The following DPF3 variants were observed in gnomAD, a reference collection of about 807,000 sequenced individuals.
DPF3 encodes zinc finger protein DPF3.
A neutral mutation model predicts 56.8 loss-of-function variants in DPF3; 18 were observed. The ratio of observed to expected loss-of-function variants is 0.32; its 90% CI spans 0.22 to 0.47. The LOEUF (loss-of-function observed/expected upper bound fraction) is 0.47, where lower values mean the gene tolerates loss of function less well. Ranked by LOEUF, DPF3 falls within the 20% of genes least tolerant of loss-of-function variation. DPF3 has a pLI of 1.00. For missense variants in DPF3, 403 were observed against 488.8 expected, an observed-to-expected ratio of 0.82 and a Z score of 1.65; for synonymous variants, 188 against 180.2, an observed-to-expected ratio of 1.04 and a Z score of -0.35.
chr14:72,804,461 ACG>A (rs1184536067), intron 1 of DPF3, among the ~76,000 whole-genome samples: 1 of 152,160 alleles, frequency 6.6e-6, no homozygotes, highest in African/African-American at 2.4e-5. Context: ...AAAATCTCTA[ACG>A]CAGATAAAGA....
intron 1 of DPF3, among the ~76,000 whole-genome samples, chr14:72,880,352 GC>G (rs758287910): frequency 6.6e-6 from 1 of 152,174 alleles, no homozygotes; most frequent in Non-Finnish European, 1.5e-5. Context: ...GCCAGATCAG[GC>G]TCAAACTTTA....
intron 1 of DPF3, among the ~76,000 whole-genome samples, chr14:72,789,897 A>G (rs1057270483): frequency 6.6e-6 from 1 of 151,896 alleles, no homozygotes; most frequent in East Asian, 1.9e-4. Flanking sequence ...CCTCCCCCAA[A>G]CTCCTTAGCT....
At chr14:72,853,220 T>C (rs4899448) in intron 1 of DPF3, 31,380 of 151,770 alleles carry the variant, frequency 0.21, 3,909 homozygotes, top group Middle Eastern at 0.35. Flanking sequence ...TGTTGTTTTT[T>C]TTTTTAAGAC....
intron 1 of DPF3, among the ~76,000 whole-genome samples, chr14:72,815,045 C>T (rs1160225472): frequency 6.6e-6 from 1 of 152,094 alleles, no homozygotes; most frequent in African/African-American, 2.4e-5. Flanking sequence ...AATGAAAACA[C>T]AAGCTACAGA....
intron 3 of DPF3, among the ~76,000 whole-genome samples, chr14:72,740,027 C>G (rs1890062093): frequency 6.6e-6 from 1 of 151,970 alleles, no homozygotes; most frequent in South Asian, 2.1e-4. Flanking sequence ...GGGGGTTACA[C>G]TTTTAAATGT....
intron 5 of DPF3, among the ~76,000 whole-genome samples, chr14:72,721,392 A>C (rs1889167937): frequency 6.6e-6 from 1 of 152,336 alleles, no homozygotes; most frequent in Non-Finnish European, 1.5e-5. Context: ...TGAGAGAAGG[A>C]AAGCAAGTGG....
intron 1 of DPF3, among the ~76,000 whole-genome samples, chr14:72,822,871 T>C (rs1567245224): frequency 6.6e-6 from 1 of 152,132 alleles, no homozygotes; most frequent in Non-Finnish European, 1.5e-5. Context: ...AGGTTGAACA[T>C]CCCAAATTCA....
chr14:72,693,075 C>T lies in DPF3; in HGVS notation c.742+1G>A, dbSNP rs1319773989. 6 of 1,613,862 alleles carry T rather than the reference C, an allele frequency of 3.7e-6. No individual in the cohort carries two copies. Among genetic ancestry groups the T allele is most frequent in the Non-Finnish European group, 4.2e-6 (5 of 1,179,894 alleles). On this transcript the variant is annotated splice_donor_variant, in intron 7 of 10. Transcript: ENST00000556509. LOFTEE classifies it high-confidence loss of function. The stretch of plus-strand genomic sequence containing the variant: ...CCCCAACCTAACAAGTAGGCACTCA[C>T]GCCTGTGGTTCTCATTTCTGTGGTT...
At chr14:72,661,431 C>T (rs1392301903) in intron 8 of DPF3, 4 of 985,200 alleles carry the variant, frequency 4.1e-6, no homozygotes, top group Non-Finnish European at 4.8e-6. Context: ...GAATACCCAG[C>T]CTTAGACTAT....
intron 1 of DPF3, among the ~76,000 whole-genome samples, chr14:72,850,823 GCA>G (rs1180432531): frequency 1.7e-3 from 261 of 152,194 alleles, no homozygotes; most frequent in Middle Eastern, 0.014. Flanking sequence ...GTGTGTGTGC[GCA>G]CGCGCATGTG....
chr14:72,736,909 C>T (rs1442224992), intron 3 of DPF3, among the ~76,000 whole-genome samples: 2 of 151,930 alleles, frequency 1.3e-5, no homozygotes, highest in African/African-American at 4.8e-5. Flanking sequence ...TGATTTTATA[C>T]ACATGGATAT....
intron 8 of DPF3, among the ~76,000 whole-genome samples, chr14:72,658,922 T>A (rs1442581228): frequency 6.6e-6 from 1 of 152,080 alleles, no homozygotes; most frequent in African/African-American, 2.4e-5. Context: ...TCAAAGCTGA[T>A]CTTCAGTTTT....
chr14:72,849,656 T>C (rs1363163555), intron 1 of DPF3, among the ~76,000 whole-genome samples: 1 of 151,992 alleles, frequency 6.6e-6, no homozygotes, highest in East Asian at 1.9e-4. Context: ...CCACAACAAC[T>C]CCTTCCTCCC....
At chr14:72,876,039 TGAAGAA>T (rs111949272) in intron 1 of DPF3, among the ~76,000 whole-genome samples, 5 of 151,906 alleles carry the variant, frequency 3.3e-5, no homozygotes, top group South Asian at 4.1e-4. Flanking sequence ...TGGTTGTTGT[TGAAGAA>T]GAAGAAGAAG....
At chr14:72,860,764 C>T (rs1206387547) in intron 1 of DPF3, among the ~76,000 whole-genome samples, 1 of 151,670 alleles carries the variant, frequency 6.6e-6, no homozygotes. Flanking sequence ...TGGGGTTTCA[C>T]CATGTTGGCC....
chr14:72,619,425 C>G, intron 10 of DPF3, 58 bp from the exon 11 acceptor site: 1 of 1,510,038 alleles, frequency 6.6e-7, no homozygotes, highest in South Asian at 1.2e-5. Context: ...GAGCCCCACC[C>G]CACTGGCCCT....
chr14:72,745,034 G>C (rs1203199085), intron 3 of DPF3, among the ~76,000 whole-genome samples: 2 of 150,598 alleles, frequency 1.3e-5, no homozygotes, highest in African/African-American at 4.9e-5. Flanking sequence ...CTGTCAAGGG[G>C]AGGTCACACC....
Position 72,885,297 on chromosome 14 carries a change from G to GT in DPF3, c.32+8759dup, listed in dbSNP as rs968552569. The stretch of plus-strand genomic sequence containing the variant: ...AATTCTGTAATACTATTAGGTTTGG[G>GT]TTTTTTTGTTTGTTTAGTTTATAAG... On this transcript the variant is annotated intron_variant, in intron 1 of 10. Coordinates refer to ENST00000556509, the MANE Select transcript of DPF3 (RefSeq NM_001280542.3). Among the ~76,000 whole-genome samples the GT allele has an allele frequency of 2.0e-5, 3 of 151,936 alleles. No homozygotes were observed. In the South Asian group the frequency reaches 6.2e-4, roughly 32 times the overall value.
chr14:72,865,677 C>T (rs1164231409), intron 1 of DPF3, among the ~76,000 whole-genome samples: 3 of 152,188 alleles, frequency 2.0e-5, no homozygotes, highest in African/African-American at 7.2e-5. Flanking sequence ...GGGTAAGGAG[C>T]CCATCAATGC....
Sources: allele counts gnomAD v4.1 joint callset (sites outside exome capture counted in the v4.1 genomes callset), GRCh38; gene constraint gnomAD v4.1.1; transcripts MANE v1.5; gene names NCBI Gene and HGNC (gene_info 2026-07-23, HGNC 2026-07-21).